The following PCDHGA2 variants were observed in gnomAD, a reference collection of about 807,000 sequenced individuals.
PCDHGA2 encodes protocadherin gamma subfamily A, 2, also known as protocadherin gamma-A2.
Under a neutral mutation model 59.2 loss-of-function variants are expected in PCDHGA2, and 40 were observed. The observed-to-expected ratio is 0.68, with a 90% CI of 0.52 to 0.88. The LOEUF is 0.88. Ranked by LOEUF, PCDHGA2 falls within the 40% of genes least tolerant of loss-of-function variation. The probability of loss-of-function intolerance (pLI) is 0.00; values close to 1 mark genes in which losing one functional copy is unlikely to be tolerated. For missense variants in PCDHGA2, 1,226 were observed against 1,204.0 expected, an observed-to-expected ratio of 1.02 and a Z score of -0.27; for synonymous variants, 560 against 526.0, an observed-to-expected ratio of 1.06 and a Z score of -0.89.
Position 141,368,385 on chromosome 5 carries a change from A to T in PCDHGA2, c.2424+26990A>T, listed in dbSNP as rs535451348. Among the ~76,000 whole-genome samples the T allele has an allele frequency of 8.5e-5, 13 of 152,240 alleles. 1 individual carries two copies. The South Asian group carries it at 2.5e-3, about 29-fold the overall frequency. On this transcript the variant is annotated intron_variant, in intron 1 of 3. Coordinates refer to ENST00000394576, the MANE Select transcript of PCDHGA2 (RefSeq NM_018915.4). ...TACACACATATATATACACACATAC[A>T]CACACACAAACACACATACATACAC... is the stretch of plus-strand genomic sequence containing the variant.
At chr5:141,508,151 C>T (rs1306467936) in intron 3 of PCDHGA2, 1 of 152,548 alleles carries the variant, frequency 6.6e-6, no homozygotes, top group Admixed American at 6.5e-5. Flanking sequence ...GGCTGAGTTT[C>T]CCTGAGTAGA....
At chr5:141,413,444 C>T (rs2095641519) in intron 1 of PCDHGA2, 2 of 1,613,998 alleles carry the variant, frequency 1.2e-6, no homozygotes, top group Non-Finnish European at 1.7e-6. Context: ...AGCTTGATCA[C>T]CGCGGGCAGG....
Position 141,340,245 on chromosome 5 carries a change from A to C in PCDHGA2, c.1274A>C (p.Lys425Thr), listed in dbSNP as rs1756922664. 6.8e-6 allele frequency: 11 copies of C among 1,614,026 alleles called. No homozygotes were observed. The South Asian group carries it at 7.7e-5, about 11-fold the overall frequency. ...TTTTACAACATCACTCTAACCGCTAAAGATGGAGGGAACCCCTCCCTGTCC... is the reference window on the plus strand; with the variant it reads ...TTTTACAACATCACTCTAACCGCTACAGATGGAGGGAACCCCTCCCTGTCC... ...FSFYNITLTA[K>T]DGGNPSLSTD... The change falls in exon 1 of 4, where the codon AAA (lysine) becomes ACA (threonine). Residue 425 changes from lysine to threonine, a missense_variant. Transcript: ENST00000394576.
chr5:141,356,761 G>A (rs778228688), intron 1 of PCDHGA2: 4 of 1,613,674 alleles, frequency 2.5e-6, no homozygotes, highest in East Asian at 2.2e-5. Context: ...TTGCTCCTTC[G>A]ACTATGAGCA....
rs111263562 is a variant in PCDHGA2, at chr5:141,487,812, T to C, written c.2425-6995T>C. The C allele has an allele frequency of 1.1e-4, 148 of 1,408,204 alleles. 1 individual carries two copies. Among genetic ancestry groups the C allele is most frequent in the South Asian group, 1.6e-4 (12 of 73,988 alleles). The allele number at this position is 1,408,204 out of a possible 1,614,324, so 87.2% of individuals were successfully genotyped here. On this transcript the variant is annotated intron_variant, in intron 1 of 3. Coordinates refer to ENST00000394576, the MANE Select transcript of PCDHGA2 (RefSeq NM_018915.4). The surrounding 1 kb of genome is among the most constrained non-coding windows in gnomAD (Gnocchi z 5.0). ...TAACCAGAGTTGTCACAGTTTAGCA[T>C]TGGGGGCGGGTCATGCCTATATCTG...
chr5:141,359,539 T>A (rs1181475445), intron 1 of PCDHGA2, among the ~76,000 whole-genome samples: 1 of 150,972 alleles, frequency 6.6e-6, no homozygotes, highest in African/African-American at 2.4e-5. Flanking sequence ...CTATAAGAAA[T>A]AAATAGGAAA....
intron 1 of PCDHGA2, chr5:141,372,263 G>T (rs373583904): frequency 2.5e-6 from 4 of 1,613,110 alleles, no homozygotes; most frequent in African/African-American, 1.3e-5. Flanking sequence ...GCCTGCGCAC[G>T]GGTGAGGTGC....
At chr5:141,366,301 C>G (rs769756883) in intron 1 of PCDHGA2, 1 of 1,613,784 alleles carries the variant, frequency 6.2e-7, no homozygotes, top group Non-Finnish European at 8.5e-7. Flanking sequence ...TGTCAGCCAC[C>G]TTCACGGTCA....
chr5:141,417,112 G>T (rs1399534957), intron 1 of PCDHGA2: 3 of 152,030 alleles, frequency 2.0e-5, no homozygotes, highest in African/African-American at 7.3e-5. Flanking sequence ...AGCAATACAG[G>T]ACACCCTGGA....
chr5:141,361,949 C>A lies in PCDHGA2; in HGVS notation c.2424+20554C>A, dbSNP rs202129585. Reference sequence around the variant, plus strand: ...GACTCAGGACACAACGCTTGGCTGTCCTACCACGTGCTGCAGGCCAGCGAG... The same window carrying A: ...GACTCAGGACACAACGCTTGGCTGTACTACCACGTGCTGCAGGCCAGCGAG... On this transcript the variant is annotated intron_variant, in intron 1 of 3. Coordinates refer to ENST00000394576, the MANE Select transcript of PCDHGA2 (RefSeq NM_018915.4). 3.8e-3 allele frequency: 6,045 copies of A among 1,604,150 alleles called. 134 individuals carry two copies. The South Asian group carries it at 0.045, about 12-fold the overall frequency.
chr5:141,459,076 C>T (rs1474375780), intron 1 of PCDHGA2, among the ~76,000 whole-genome samples: 1 of 152,144 alleles, frequency 6.6e-6, no homozygotes, highest in Non-Finnish European at 1.5e-5. Context: ...ATAAAATTTG[C>T]CTTTTAAAAT....
chr5:141,435,467 G>A (rs1019246812), intron 1 of PCDHGA2, among the ~76,000 whole-genome samples: 3 of 152,146 alleles, frequency 2.0e-5, no homozygotes, highest in Non-Finnish European at 2.9e-5. Context: ...GTGTTTCCAA[G>A]TTAGACATTT....
chr5:141,496,513 G>A (rs1364297990), intron 2 of PCDHGA2, among the ~76,000 whole-genome samples: 1 of 152,140 alleles, frequency 6.6e-6, no homozygotes, highest in Non-Finnish European at 1.5e-5. Context: ...CAAGGACCCA[G>A]GAGCCCTTGG....
intron 1 of PCDHGA2, chr5:141,404,247 T>C: frequency 6.2e-7 from 1 of 1,613,870 alleles, no homozygotes; most frequent in Non-Finnish European, 8.5e-7. Flanking sequence ...ACTCCGCCCC[T>C]GTCCACAGAA....
intron 1 of PCDHGA2, among the ~76,000 whole-genome samples, chr5:141,436,515 G>A (rs1393437693): frequency 6.6e-6 from 1 of 152,160 alleles, no homozygotes; most frequent in Non-Finnish European, 1.5e-5. Context: ...ATTGTTAACT[G>A]TGTCACCTTT....
intron 1 of PCDHGA2, chr5:141,345,960 G>A: frequency 5.6e-6 from 9 of 1,613,574 alleles, no homozygotes; most frequent in Non-Finnish European, 6.8e-6. Flanking sequence ...GCAGAGCCTC[G>A]TGGTGGCCGT....
At chr5:141,447,023 G>GTT (rs5871773) in intron 1 of PCDHGA2, among the ~76,000 whole-genome samples, 2,010 of 151,524 alleles carry the variant, frequency 0.013, 40 homozygotes, top group African/African-American at 0.047. Context: ...GTTTTGTTTT[G>GTT]TTTTTTTTCT....
chr5:141,382,757 C>T, intron 1 of PCDHGA2: 2 of 657,638 alleles, frequency 3.0e-6, no homozygotes, highest in East Asian at 2.7e-5. Flanking sequence ...GCGATAAGCC[C>T]TCTTCCAGGC....
chr5:141,405,215 C>T, intron 1 of PCDHGA2: 1 of 1,614,078 alleles, frequency 6.2e-7, no homozygotes, highest in Non-Finnish European at 8.5e-7. Flanking sequence ...GACCTATTCT[C>T]AGGAGTTCTC....
Sources: gnomAD v4.1 joint callset for allele counts (sites outside exome capture counted in the v4.1 genomes callset) on GRCh38, gnomAD v4.1.1 for gene constraint, Gnocchi (gnomAD v3.1) non-coding constraint, MANE v1.5 for transcripts, NCBI Gene and HGNC (gene_info 2026-07-23, HGNC 2026-07-21) for gene names.